The following CDKL3 variants were observed in gnomAD, a reference collection of about 807,000 sequenced individuals.
The protein encoded by CDKL3 is cyclin-dependent kinase-like 3.
In CDKL3, 65 loss-of-function variants were observed where a neutral mutation model predicts 69.3. The ratio of observed to expected loss-of-function variants is 0.94; its 90% CI spans 0.77 to 1.15. The LOEUF (loss-of-function observed/expected upper bound fraction) is 1.15. CDKL3 is among the 50% of genes most tolerant of loss of function. The probability of loss-of-function intolerance (pLI) is 0.00; values close to 1 mark genes in which losing one functional copy is unlikely to be tolerated. For synonymous variants in CDKL3, 202 were observed against 221.6 expected, an observed-to-expected ratio of 0.91 and a Z score of 0.79; for missense variants, 652 against 689.2, an observed-to-expected ratio of 0.95 and a Z score of 0.61.
intron 4 of CDKL3, among the ~76,000 whole-genome samples, chr5:134,335,188 C>T (rs1348096214): frequency 6.6e-6 from 1 of 151,180 alleles, no homozygotes. Flanking sequence ...GATCTTCCTC[C>T]ATCCCTTTAT....
intron 4 of CDKL3, among the ~76,000 whole-genome samples, chr5:134,336,178 C>T (rs756600310): frequency 6.6e-6 from 1 of 152,160 alleles, no homozygotes; most frequent in Non-Finnish European, 1.5e-5. Context: ...TCCATCAGGT[C>T]ATTTAAGCTC....
At position 134,319,349 on chromosome 5, in the gene CDKL3, A is replaced by C. The variant is rs985586649; in HGVS notation, c.792+9T>G. On this transcript the variant is annotated intron_variant, in intron 6 of 12. Coordinates refer to ENST00000265334, the MANE Select transcript of CDKL3 (RefSeq NM_001113575.2). ...TGTCTCCGGGGGAGGAAAAAAAAAA[A>C]AAACATACATGAACTATATCTGCCA... 5 of 1,505,302 alleles carry C rather than the reference A, an allele frequency of 3.3e-6. No individual in the cohort carries two copies. In the African/African-American group the frequency reaches 5.8e-5, roughly 17 times the overall value. The allele number at this position is 1,505,302 out of a possible 1,614,324, so 93.2% of individuals were successfully genotyped here.
intron 6 of CDKL3, among the ~76,000 whole-genome samples, chr5:134,317,023 G>A (rs1227757549): frequency 6.6e-6 from 1 of 151,776 alleles, no homozygotes; most frequent in Non-Finnish European, 1.5e-5. Flanking sequence ...CATTAAGTTG[G>A]TGCAAAAGTA....
intron 6 of CDKL3, among the ~76,000 whole-genome samples, chr5:134,315,669 A>G (rs1314527756): frequency 6.6e-6 from 1 of 152,188 alleles, no homozygotes; most frequent in Non-Finnish European, 1.5e-5. Flanking sequence ...CAAATAGACA[A>G]TGAATATTAG....
downstream of CDKL3, among the ~76,000 whole-genome samples, chr5:134,284,896 A>T (rs530431222): frequency 1.3e-3 from 191 of 152,324 alleles, no homozygotes; most frequent in African/African-American, 4.5e-3. Flanking sequence ...CCCAGATTTC[A>T]TATTGTTCAA....
chr5:134,353,553 CTTT>C (rs201057745), intron 3 of CDKL3, among the ~76,000 whole-genome samples: 5 of 138,844 alleles, frequency 3.6e-5, no homozygotes, highest in Non-Finnish European at 6.2e-5. Context: ...GATCATGTCA[CTTT>C]TTTTTTTTTT....
intron 4 of CDKL3, among the ~76,000 whole-genome samples, chr5:134,337,049 A>T (rs1777298517): frequency 6.6e-6 from 1 of 152,204 alleles, no homozygotes; most frequent in South Asian, 2.1e-4. Context: ...CTCAAGCCTC[A>T]GAAATGGCGG....
downstream of CDKL3, among the ~76,000 whole-genome samples, chr5:134,297,999 T>C (rs971800758): frequency 6.6e-6 from 1 of 150,886 alleles, no homozygotes; most frequent in African/African-American, 2.4e-5. Context: ...AATGGCATGA[T>C]CTTGGCTCTC....
At chr5:134,339,136 T>C (rs542994698) in intron 4 of CDKL3, among the ~76,000 whole-genome samples, 1 of 152,174 alleles carries the variant, frequency 6.6e-6, no homozygotes, top group East Asian at 1.9e-4. Flanking sequence ...CACTCCAGCC[T>C]GGGTGACAGA....
At chr5:134,327,835 A>G (rs1006876056) in intron 4 of CDKL3, among the ~76,000 whole-genome samples, 2 of 152,180 alleles carry the variant, frequency 1.3e-5, no homozygotes, top group Non-Finnish European at 2.9e-5. Context: ...TAGCCAGGGA[A>G]AGAAAGGAAG....
intron 4 of CDKL3, among the ~76,000 whole-genome samples, chr5:134,337,033 C>G (rs368130157): frequency 6.6e-6 from 1 of 152,112 alleles, no homozygotes; most frequent in African/African-American, 2.4e-5. Flanking sequence ...AGCATAGAAC[C>G]GCCTACTCAA....
chr5:134,355,631 T>G (rs150584384), intron 3 of CDKL3, among the ~76,000 whole-genome samples: 1 of 152,244 alleles, frequency 6.6e-6, no homozygotes, highest in South Asian at 2.1e-4. Context: ...TTTGATAATC[T>G]TTCTCTGTCA....
chr5:134,296,446 T>C (rs551813818), downstream of CDKL3, among the ~76,000 whole-genome samples: 32 of 152,232 alleles, frequency 2.1e-4, no homozygotes, highest in Admixed American at 2.6e-4. Context: ...TACATATTTA[T>C]GAGAGGAACA....
At chr5:134,339,312 C>T (rs958856310) in intron 4 of CDKL3, among the ~76,000 whole-genome samples, 3 of 152,006 alleles carry the variant, frequency 2.0e-5, no homozygotes, top group Non-Finnish European at 2.9e-5. Context: ...ACTTTATATT[C>T]GATATACAAA....
chr5:134,325,447 T>C (rs909124087), intron 4 of CDKL3, among the ~76,000 whole-genome samples: 1 of 152,326 alleles, frequency 6.6e-6, no homozygotes, highest in African/African-American at 2.4e-5. Context: ...TAAGTTTTAG[T>C]GAGAATAAAT....
intron 4 of CDKL3, among the ~76,000 whole-genome samples, chr5:134,348,988 G>A (rs888681483): frequency 6.6e-6 from 1 of 152,158 alleles, no homozygotes; most frequent in Non-Finnish European, 1.5e-5. Context: ...GGAATGGATT[G>A]TGAATCCTGA....
At chr5:134,319,300 A>C in intron 6 of CDKL3, 58 bp downstream of exon 6, 1 of 1,360,722 alleles carries the variant, frequency 7.3e-7, no homozygotes, top group East Asian at 2.7e-5. Context: ...ACTGCACTAC[A>C]GCCTGGGCGA....
At chr5:134,296,816 C>CAT (rs1554074934), downstream of CDKL3, among the ~76,000 whole-genome samples, 1 of 150,822 alleles carries the variant, frequency 6.6e-6, no homozygotes, top group Non-Finnish European at 1.5e-5. Context: ...CACACACACA[C>CAT]GCACGCACAC....
At chr5:134,287,727 C>G (rs188668757) in intron 8 of CDKL3, among the ~76,000 whole-genome samples, 47 of 152,248 alleles carry the variant, frequency 3.1e-4, no homozygotes, top group Admixed American at 1.0e-3. Context: ...ACAGGCTGCA[C>G]CCAAAGCCAT....
Sources: gnomAD v4.1 joint callset for allele counts (sites outside exome capture counted in the v4.1 genomes callset) on GRCh38, gnomAD v4.1.1 for gene constraint, MANE v1.5 for transcripts, NCBI Gene and HGNC (gene_info 2026-07-23, HGNC 2026-07-21) for gene names.